The following THADA variants were observed in gnomAD, a reference collection of about 807,000 sequenced individuals.
THADA encodes tRNA (32-2'-O)-methyltransferase regulator THADA.
A neutral mutation model predicts 219.8 loss-of-function variants in THADA; 213 were observed. That is an observed-to-expected ratio of 0.97 (90% CI 0.87 to 1.09). The LOEUF is 1.09. THADA is among the 50% of genes least tolerant of loss of function. THADA has a pLI of 0.00. For missense variants in THADA, 2,956 were observed against 2,311.3 expected (o/e 1.28, Z -5.72); for synonymous variants, 1,018 against 828.9 (o/e 1.23, Z -3.92).
chr2:43,277,235 G>A (rs1395552499), intron 36 of THADA: 1 of 152,506 alleles, frequency 6.6e-6, no homozygotes, highest in African/African-American at 2.4e-5. Flanking sequence ...ACCTGCAGAA[G>A]GAGATCGGGC....
chr2:43,572,475 C>G (rs1311841516), intron 12 of THADA, among the ~76,000 whole-genome samples: 1 of 152,182 alleles, frequency 6.6e-6, no homozygotes, highest in African/African-American at 2.4e-5. Context: ...ATATCTATCA[C>G]TTTCCTAATC....
chr2:43,277,727 TTAA>T (rs1418955196), intron 36 of THADA, among the ~76,000 whole-genome samples: 3 of 152,234 alleles, frequency 2.0e-5, no homozygotes, highest in Non-Finnish European at 4.4e-5. Context: ...TTAACACAAC[TTAA>T]TAATGTTATT....
intron 36 of THADA, among the ~76,000 whole-genome samples, chr2:43,278,261 A>C (rs1672955618): frequency 6.6e-6 from 1 of 152,094 alleles, no homozygotes; most frequent in African/African-American, 2.4e-5. Flanking sequence ...CTAAAACAAG[A>C]CAATATTGTT....
intron 10 of THADA, among the ~76,000 whole-genome samples, chr2:43,576,280 C>CT (rs2104045195): frequency 6.6e-6 from 1 of 152,258 alleles, no homozygotes; most frequent in African/African-American, 2.4e-5. Flanking sequence ...TATTATCAAG[C>CT]TGTATATATG....
intron 21 of THADA, among the ~76,000 whole-genome samples, chr2:43,531,837 G>C (rs993956960): frequency 2.6e-5 from 4 of 151,836 alleles, no homozygotes; most frequent in African/African-American, 9.7e-5. Context: ...TTTCTTTCTA[G>C]TCTTTTCCTT....
chr2:43,504,814 G>A (rs1689450882), intron 24 of THADA, among the ~76,000 whole-genome samples: 1 of 152,214 alleles, frequency 6.6e-6, no homozygotes, highest in Non-Finnish European at 1.5e-5. Flanking sequence ...AACCCAGGAG[G>A]CGGAGGTTGC....
intron 29 of THADA, among the ~76,000 whole-genome samples, chr2:43,396,689 T>C (rs1674081810): frequency 6.6e-6 from 1 of 151,880 alleles, no homozygotes; most frequent in Non-Finnish European, 1.5e-5. Flanking sequence ...AGGCTGCTTG[T>C]AATCCCAGCT....
intron 21 of THADA, among the ~76,000 whole-genome samples, chr2:43,539,312 T>C (rs996484378): frequency 2.0e-5 from 3 of 152,262 alleles, no homozygotes; most frequent in Non-Finnish European, 4.4e-5. Context: ...GCCATTCCAA[T>C]GTAAATGATG....
At chr2:43,334,051 C>A (rs1214101753) in intron 30 of THADA, among the ~76,000 whole-genome samples, 1 of 152,106 alleles carries the variant, frequency 6.6e-6, no homozygotes, top group African/African-American at 2.4e-5. Flanking sequence ...AGCCACAGAC[C>A]CCCTAGGGAA....
intron 28 of THADA, among the ~76,000 whole-genome samples, chr2:43,415,362 T>A (rs1471206472): frequency 6.6e-6 from 1 of 152,184 alleles, no homozygotes; most frequent in East Asian, 1.9e-4. Flanking sequence ...CTGGTCTGGG[T>A]CAGTGACTAC....
At chr2:43,240,435 T>TA (rs2104055850) in intron 36 of THADA, among the ~76,000 whole-genome samples, 1 of 152,296 alleles carries the variant, frequency 6.6e-6, no homozygotes, top group Admixed American at 6.5e-5. Context: ...AACTTTAAAT[T>TA]AGTCATGAAA....
intron 36 of THADA, among the ~76,000 whole-genome samples, chr2:43,269,042 C>A: frequency 6.6e-6 from 1 of 152,202 alleles, no homozygotes; most frequent in East Asian, 1.9e-4. Flanking sequence ...GAAGAGAAAT[C>A]CTGCATTGTG....
At chr2:43,261,998 C>A (rs957756982) in intron 36 of THADA, among the ~76,000 whole-genome samples, 6 of 151,730 alleles carry the variant, frequency 4.0e-5, no homozygotes. Context: ...TCTTGAACTC[C>A]TGACCTCAGG....
intron 3 of THADA, 87 bp from the exon 4 acceptor site, chr2:43,591,041 C>A (rs530480956): frequency 7.5e-7 from 1 of 1,326,032 alleles, no homozygotes; most frequent in South Asian, 1.4e-5. Context: ...GTCTCAATTG[C>A]TGGGTACAGT....
At chr2:43,528,567 G>C (rs1163810694) in intron 21 of THADA, among the ~76,000 whole-genome samples, 1 of 152,176 alleles carries the variant, frequency 6.6e-6, no homozygotes, top group Non-Finnish European at 1.5e-5. Flanking sequence ...AGGTCAGACA[G>C]CAAGAAAGCA....
At chr2:43,449,001 A>G (rs556760271) in intron 26 of THADA, among the ~76,000 whole-genome samples, 1 of 152,330 alleles carries the variant, frequency 6.6e-6, no homozygotes, top group South Asian at 2.1e-4. Flanking sequence ...GCCCTGAGAA[A>G]GACTTGATGG....
intron 36 of THADA, among the ~76,000 whole-genome samples, chr2:43,250,828 C>A (rs779762718): frequency 6.6e-6 from 1 of 152,140 alleles, no homozygotes; most frequent in Admixed American, 6.5e-5. Context: ...GTCCCTGAGG[C>A]GTTAAAGCAA....
chr2:43,541,140 G>C lies in THADA; in HGVS notation c.3264+19C>G, dbSNP rs780561287. ...CGTTGACCAGAAATTATACATGGTG[G>C]AATAAACATGTGCCTTACCTGCTCC... On this transcript the variant is annotated intron_variant, in intron 21 of 37. Transcript: ENST00000405975. 6.6e-7 allele frequency: 1 copy of C among 1,507,062 alleles called. No individual in the cohort carries two copies. Among genetic ancestry groups the C allele is most frequent in the African/African-American group, 1.4e-5 (1 of 69,370 alleles). The allele number at this position is 1,507,062 out of a possible 1,614,324, so 93.4% of individuals were successfully genotyped here.
At chr2:43,272,201 G>A (rs764830517) in intron 36 of THADA, among the ~76,000 whole-genome samples, 33 of 152,222 alleles carry the variant, frequency 2.2e-4, no homozygotes, top group Non-Finnish European at 1.9e-4. Context: ...AAAGATGGCT[G>A]GAGTGGCTAG....
Sources: gnomAD v4.1 joint callset for allele counts (sites outside exome capture counted in the v4.1 genomes callset) on GRCh38, gnomAD v4.1.1 for gene constraint, MANE v1.5 for transcripts, NCBI Gene and HGNC (gene_info 2026-07-23, HGNC 2026-07-21) for gene names.